PLCXD3: variants seen among roughly 807,000 people sequenced by gnomAD.
PLCXD3 encodes PI-PLC X domain-containing protein 3.
A neutral mutation model predicts 25.5 loss-of-function variants in PLCXD3; 19 were observed. The observed-to-expected ratio is 0.75, with a 90% CI of 0.52 to 1.09. PLCXD3 has a LOEUF of 1.09. Ranked by LOEUF, PLCXD3 falls within the 50% of genes least tolerant of loss-of-function variation. The pLI is 0.00. For missense variants in PLCXD3, 411 were observed against 388.1 expected (o/e 1.06, Z -0.50); for synonymous variants, 174 against 137.6 (o/e 1.26, Z -1.85).
intron 1 of PLCXD3, among the ~76,000 whole-genome samples, chr5:41,493,593 C>T (rs1234631706): frequency 2.6e-5 from 4 of 152,238 alleles, no homozygotes; most frequent in African/African-American, 7.2e-5. Context: ...CCACCCAGTT[C>T]GAGCTTTCTG....
intron 1 of PLCXD3, among the ~76,000 whole-genome samples, chr5:41,465,776 G>C (rs556700183): frequency 1.2e-4 from 18 of 151,958 alleles, no homozygotes; most frequent in Non-Finnish European, 2.2e-4. Flanking sequence ...CTCTGCTCTT[G>C]ACTTTTGAAA....
At chr5:41,456,039 A>T (rs555898290) in intron 1 of PLCXD3, among the ~76,000 whole-genome samples, 1 of 152,078 alleles carries the variant, frequency 6.6e-6, no homozygotes, top group South Asian at 2.1e-4. Context: ...AGTAAAAAAA[A>T]ATAGGGGTCA....
At chr5:41,329,685 A>T (rs1009942907) in intron 2 of PLCXD3, among the ~76,000 whole-genome samples, 9 of 151,742 alleles carry the variant, frequency 5.9e-5, no homozygotes, top group African/African-American at 2.2e-4. Flanking sequence ...TGTGTTGTAC[A>T]TATAGTGTCA....
chr5:41,425,951 A>G (rs929889003), intron 1 of PLCXD3, among the ~76,000 whole-genome samples: 1 of 152,192 alleles, frequency 6.6e-6, no homozygotes, highest in Non-Finnish European at 1.5e-5. Context: ...TAAGTTTTCA[A>G]TATCTTTGGG....
intron 1 of PLCXD3, among the ~76,000 whole-genome samples, chr5:41,453,347 T>C (rs1364616759): frequency 1.3e-5 from 2 of 151,832 alleles, no homozygotes; most frequent in Non-Finnish European, 2.9e-5. Flanking sequence ...TCTGTACCCA[T>C]TCTCTGTCTT....
chr5:41,455,914 A>G (rs906564851), intron 1 of PLCXD3, among the ~76,000 whole-genome samples: 1 of 151,982 alleles, frequency 6.6e-6, no homozygotes, highest in Non-Finnish European at 1.5e-5. Flanking sequence ...TTATTGTCCC[A>G]TATCACCATT....
At chr5:41,341,626 C>G (rs1467430733) in intron 2 of PLCXD3, among the ~76,000 whole-genome samples, 2 of 151,942 alleles carry the variant, frequency 1.3e-5, no homozygotes, top group Admixed American at 1.3e-4. Flanking sequence ...TACCTGTTTG[C>G]AATATTACCT....
intron 1 of PLCXD3, among the ~76,000 whole-genome samples, chr5:41,507,068 T>C (rs992740013): frequency 6.6e-6 from 1 of 152,220 alleles, no homozygotes; most frequent in Non-Finnish European, 1.5e-5. Flanking sequence ...ACATGCAGAT[T>C]ACCAGCACCT....
At chr5:41,387,548 T>C (rs1455292450) in intron 1 of PLCXD3, among the ~76,000 whole-genome samples, 3 of 152,082 alleles carry the variant, frequency 2.0e-5, no homozygotes, top group Admixed American at 6.6e-5. Context: ...ACTTTATGTG[T>C]AAAGGGATAT....
At chr5:41,340,693 C>T (rs963658138) in intron 2 of PLCXD3, among the ~76,000 whole-genome samples, 1 of 152,142 alleles carries the variant, frequency 6.6e-6, no homozygotes, top group Non-Finnish European at 1.5e-5. Flanking sequence ...TCAGGCAGAA[C>T]TGTTTAGAGG....
intron 1 of PLCXD3, among the ~76,000 whole-genome samples, chr5:41,428,714 T>C (rs1198774682): frequency 6.6e-6 from 1 of 152,190 alleles, no homozygotes; most frequent in African/African-American, 2.4e-5. Context: ...AAAACCTTTT[T>C]CAACTTTTAA....
chr5:41,358,061 A>G (rs1744668606), intron 2 of PLCXD3, among the ~76,000 whole-genome samples: 1 of 152,226 alleles, frequency 6.6e-6, no homozygotes, highest in Non-Finnish European at 1.5e-5. Flanking sequence ...TATATTGTTA[A>G]TGAAAGCTAA....
chr5:41,501,222 T>C (rs572815482), intron 1 of PLCXD3, among the ~76,000 whole-genome samples: 1 of 152,136 alleles, frequency 6.6e-6, no homozygotes, highest in Admixed American at 6.5e-5. Context: ...CCAAAAGAAA[T>C]GAAATTGAGA....
At chr5:41,425,509 A>G (rs1746934670) in intron 1 of PLCXD3, among the ~76,000 whole-genome samples, 1 of 152,214 alleles carries the variant, frequency 6.6e-6, no homozygotes, top group Non-Finnish European at 1.5e-5. Context: ...AGTTCACATT[A>G]GCATTTTCTC....
chr5:41,375,155 G>A (rs1380084488), intron 2 of PLCXD3, among the ~76,000 whole-genome samples: 1 of 100,492 alleles, frequency 1.0e-5, no homozygotes. Flanking sequence ...GATAAAGAGA[G>A]GAAGAAAGAG....
intron 1 of PLCXD3, among the ~76,000 whole-genome samples, chr5:41,459,042 CTT>C (rs2150516406): frequency 6.6e-6 from 1 of 151,856 alleles, no homozygotes; most frequent in African/African-American, 2.4e-5. Flanking sequence ...CTTTTTCTCT[CTT>C]GTCTGTTTTT....
intron 1 of PLCXD3, among the ~76,000 whole-genome samples, chr5:41,419,828 T>C (rs1561267989): frequency 6.6e-6 from 1 of 152,176 alleles, no homozygotes; most frequent in Non-Finnish European, 1.5e-5. Flanking sequence ...GTTGTGATGA[T>C]TAAATGAGGT....
At chr5:41,343,067 AT>A (rs1580312733) in intron 2 of PLCXD3, among the ~76,000 whole-genome samples, 1 of 152,144 alleles carries the variant, frequency 6.6e-6, no homozygotes, top group East Asian at 1.9e-4. Context: ...TTTAGTGATA[AT>A]TAACTCATTA....
At chr5:41,392,937 G>A (rs1359801958) in intron 1 of PLCXD3, among the ~76,000 whole-genome samples, 9 of 152,044 alleles carry the variant, frequency 5.9e-5, no homozygotes, top group Admixed American at 1.3e-4. Flanking sequence ...AGAATGCATC[G>A]GGATCCTTTA....
Sources: gnomAD v4.1 joint callset for allele counts (sites outside exome capture counted in the v4.1 genomes callset) on GRCh38, gnomAD v4.1.1 for gene constraint, MANE v1.5 for transcripts, NCBI Gene and HGNC (gene_info 2026-07-23, HGNC 2026-07-21) for gene names.